The following PACS2 variants were observed in gnomAD, a reference collection of about 807,000 sequenced individuals.
The protein encoded by PACS2 is PACS1-like protein.
In PACS2, 36 loss-of-function variants were observed where a neutral mutation model predicts 113.0. That is an observed-to-expected ratio of 0.32 (90% CI 0.24 to 0.42). The LOEUF (loss-of-function observed/expected upper bound fraction) is 0.42. PACS2 is among the 10% of genes least tolerant of loss of function. The probability of loss-of-function intolerance (pLI) is 1.00; values close to 1 mark genes in which losing one functional copy is unlikely to be tolerated. For synonymous variants in PACS2, 589 were observed against 536.1 expected, an observed-to-expected ratio of 1.10 and a Z score of -1.36; for missense variants, 1,015 against 1,239.5, an observed-to-expected ratio of 0.82 and a Z score of 2.72.
chr14:105,348,908 C>T lies in PACS2; in HGVS notation c.207+328C>T, dbSNP rs984942287. Among the ~76,000 whole-genome samples the T allele has an allele frequency of 6.6e-6, 1 of 152,224 alleles. No individual in the cohort carries two copies. The highest frequency in any genetic ancestry group is 2.4e-5 in the African/African-American group (1 of 41,468). On this transcript the variant is annotated intron_variant, in intron 2 of 24. Transcript: ENST00000447393. The surrounding 1 kb of genome is among the most constrained non-coding windows in gnomAD (Gnocchi z 6.4). The stretch of plus-strand genomic sequence containing the variant: ...GGGCTTCCCTGCTGCACTCAGCACC[C>T]ACTTCCTGCCCACTTTTTGTGGGGT...
At chr14:105,362,590 C>T (rs988416177) in intron 4 of PACS2, among the ~76,000 whole-genome samples, 9 of 152,062 alleles carry the variant, frequency 5.9e-5, no homozygotes, top group African/African-American at 1.2e-4. Flanking sequence ...GTGGCTCACA[C>T]CTGTAATCCC....
intron 4 of PACS2, among the ~76,000 whole-genome samples, chr14:105,361,830 T>C (rs2060695680): frequency 6.6e-6 from 1 of 152,128 alleles, no homozygotes; most frequent in Admixed American, 6.5e-5. Context: ...ATGCCTGTAA[T>C]TCCAGCTACT....
intron 19 of PACS2, among the ~76,000 whole-genome samples, chr14:105,387,076 C>T (rs1332688305): frequency 6.6e-6 from 1 of 152,214 alleles, no homozygotes; most frequent in East Asian, 1.9e-4. Context: ...AGGGGTGACA[C>T]TGGCTGCCTC....
intron 1 of PACS2, among the ~76,000 whole-genome samples, chr14:105,338,220 C>T (rs191858080): frequency 3.3e-5 from 5 of 152,312 alleles, no homozygotes; most frequent in African/African-American, 7.2e-5. Flanking sequence ...CTGCCCAGCC[C>T]TGGAGAGTGT....
chr14:105,315,017 C>T lies in PACS2; in HGVS notation c.99C>T (p.Ser33=). Residue 33 remains serine, a synonymous_variant, in exon 1 of 25, where the codon TCC becomes TCT. Coordinates refer to ENST00000447393, the MANE Select transcript of PACS2 (RefSeq NM_001100913.3). The surrounding 1 kb of genome is among the most constrained non-coding windows in gnomAD (Gnocchi z 4.4). The stretch of plus-strand genomic sequence containing the variant: ...TCGCCACCTGGGAGGTGGACGGCTC[C>T]AGCCCCAGCTGCGTGCCCAGGTACG... ...NLFATWEVDG[S]SPSCVPRLCS... 1 of 1,238,366 alleles carries T rather than the reference C, an allele frequency of 8.1e-7. No homozygotes were observed. 76.7% of individuals were successfully genotyped at this position (1,238,366 alleles called of 1,614,324 possible).
At chr14:105,339,818 T>C (rs1257813224) in intron 1 of PACS2, among the ~76,000 whole-genome samples, 2 of 152,234 alleles carry the variant, frequency 1.3e-5, no homozygotes, top group Non-Finnish European at 2.9e-5. Flanking sequence ...CTAATTTTTG[T>C]ATTTTTAGTA....
At chr14:105,383,283 A>C (rs781931464) in intron 15 of PACS2, 76 bp from the exon 16 acceptor site, 2 of 1,541,412 alleles carry the variant, frequency 1.3e-6, no homozygotes, top group Admixed American at 3.3e-5. Context: ...CTGGGCTCAC[A>C]CTGGCATCCT....
chr14:105,393,275 T>A lies in PACS2; in HGVS notation c.2536T>A (p.Cys846Ser), dbSNP rs782356019. The A allele has an allele frequency of 2.5e-6, 4 of 1,612,856 alleles. No individual in the cohort carries two copies. In the Admixed American group the frequency reaches 6.7e-5, roughly 27 times the overall value. Residue 846 changes from cysteine (C) to serine (S), a missense_variant, in exon 24 of 25, where the codon TGC becomes AGC. By Grantham distance (112) the Cys-to-Ser change is moderately radical. Transcript: ENST00000447393. Reference protein sequence around the residue: ...KDKDVESKSQCIEGISRLICT... With the variant: ...KDKDVESKSQSIEGISRLICT... ...CAAGGACGTGGAGTCTAAGAGCCAG[T>A]GCATTGAGGGCATCAGCCGGCTCAT... is the stretch of plus-strand genomic sequence containing the variant.
At chr14:105,375,567 A>G (rs1184758561) in intron 8 of PACS2, among the ~76,000 whole-genome samples, 1 of 152,136 alleles carries the variant, frequency 6.6e-6, no homozygotes, top group Non-Finnish European at 1.5e-5. Flanking sequence ...CACGATCATC[A>G]TGATCATTAT....
chr14:105,365,772 CCT>C lies in PACS2; in HGVS notation c.424-1440_424-1439del, dbSNP rs1230455458. Among the ~76,000 whole-genome samples, 4 of 152,142 alleles carry C rather than the reference CCT, an allele frequency of 2.6e-5. No homozygotes were observed. The highest frequency in any genetic ancestry group is 4.4e-5 in the Non-Finnish European group (3 of 68,030). ...GCTTCTGAGCTTCCAGGTTCTCACC[CCT>C]GTGTGACACTGAGACCCTGCCACAT... On this transcript the variant is annotated intron_variant, in intron 4 of 24. Coordinates refer to ENST00000447393, the MANE Select transcript of PACS2 (RefSeq NM_001100913.3). The surrounding 1 kb of genome is among the most constrained non-coding windows in gnomAD (Gnocchi z 5.1).
chr14:105,392,262 C>A (rs2081385218), intron 22 of PACS2: 1 of 380,028 alleles, frequency 2.6e-6, no homozygotes, highest in South Asian at 2.7e-5. Flanking sequence ...CAGCAGATAC[C>A]CCCCCGACCC....
chr14:105,352,367 CT>C lies in PACS2; in HGVS notation c.208-9del, dbSNP rs782152262. The C allele has an allele frequency of 1.6e-5, 25 of 1,593,050 alleles. No homozygotes were observed. Among genetic ancestry groups the C allele is most frequent in the Non-Finnish European group, 1.0e-5 (12 of 1,161,000 alleles). On this transcript the variant is annotated splice_polypyrimidine_tract_variant and intron_variant, in intron 2 of 24. Transcript: ENST00000447393. ...GTCCTTTGAGCTAGAACAGGTCTTGCTTAATCACAGGGCTCCAAACGAATCC... is the reference window on the plus strand; with the variant it reads ...GTCCTTTGAGCTAGAACAGGTCTTGCTAATCACAGGGCTCCAAACGAATCC...
intron 18 of PACS2, 132 bp from the exon 19 acceptor site, chr14:105,385,553 C>T: frequency 1.8e-6 from 1 of 565,710 alleles, no homozygotes; most frequent in Non-Finnish European, 3.1e-6. Context: ...AGGCGCAAAG[C>T]CAGCGCTCAC....
chr14:105,391,059 A>C, intron 20 of PACS2, 148 bp from the exon 21 acceptor site: 1 of 666,380 alleles, frequency 1.5e-6, no homozygotes, highest in Non-Finnish European at 2.7e-6. Context: ...ACAGATGGGG[A>C]GAGAAGGGCA....
rs1555413099 is a variant in PACS2 at position 105,384,595 on chromosome 14, G to T, written c.1891+132G>T. On this transcript the variant is annotated intron_variant, in intron 17 of 24. Coordinates refer to ENST00000447393, the MANE Select transcript of PACS2 (RefSeq NM_001100913.3). ...AGGGAAGAGGCCATGGACAGGGCCT[G>T]CTGGGGCCTTGGCCAGGATGCCTCC... is the stretch of plus-strand genomic sequence containing the variant. The T allele has an allele frequency of 1.3e-5, 8 of 638,926 alleles. No individual in the cohort carries two copies. The Admixed American group carries it at 1.4e-4, about 11-fold the overall frequency. 39.6% of individuals were successfully genotyped at this position (638,926 alleles called of 1,614,324 possible). A position where few individuals can be genotyped will look rare whatever the true frequency, so the allele number is the denominator to read the frequency against.
intron 1 of PACS2, among the ~76,000 whole-genome samples, chr14:105,333,324 G>A (rs1447286400): frequency 6.6e-6 from 1 of 152,222 alleles, no homozygotes; most frequent in Non-Finnish European, 1.5e-5. Context: ...TGCCCCAGGC[G>A]GGGACACTAC....
intron 6 of PACS2, 113 bp from the exon 7 acceptor site, chr14:105,368,346 C>A: frequency 1.1e-6 from 1 of 901,438 alleles, no homozygotes; most frequent in Non-Finnish European, 1.8e-6. Context: ...AGTCTTGGGA[C>A]ACAGGTGGGC....
chr14:105,363,875 G>A (rs2060823545), intron 4 of PACS2, among the ~76,000 whole-genome samples: 1 of 152,122 alleles, frequency 6.6e-6, no homozygotes, highest in African/African-American at 2.4e-5. Context: ...GGCCCGTAGA[G>A]TTAGTAATTG....
At chr14:105,367,767 G>A (rs1008491891) in intron 5 of PACS2, among the ~76,000 whole-genome samples, 2 of 152,236 alleles carry the variant, frequency 1.3e-5, no homozygotes, top group Non-Finnish European at 2.9e-5. Flanking sequence ...AGACCCAGTC[G>A]GTGCAAATCC....
Sources: allele counts gnomAD v4.1 joint callset (sites outside exome capture counted in the v4.1 genomes callset), GRCh38; gene constraint gnomAD v4.1.1; non-coding constraint Gnocchi (gnomAD v3.1); transcripts MANE v1.5; gene names NCBI Gene and HGNC (gene_info 2026-07-23, HGNC 2026-07-21).